Variants in TSPAN9 observed in about 807,000 individuals in gnomAD.
TSPAN9 encodes the protein tetraspanin-9.
Under a neutral mutation model 31.0 loss-of-function variants are expected in TSPAN9, and 16 were observed. That is an observed-to-expected ratio of 0.52 (90% CI 0.35 to 0.78). TSPAN9 has a LOEUF of 0.78. TSPAN9 is among the 30% of genes least tolerant of loss of function. TSPAN9 has a pLI of 0.01. For missense variants in TSPAN9, 272 were observed against 312.5 expected, an observed-to-expected ratio of 0.87 and a Z score of 0.98; for synonymous variants, 145 against 121.6, an observed-to-expected ratio of 1.19 and a Z score of -1.27.
chr12:3,142,594 C>T (rs1010028574), intron 2 of TSPAN9, among the ~76,000 whole-genome samples: 2 of 152,108 alleles, frequency 1.3e-5, no homozygotes, highest in Non-Finnish European at 2.9e-5. Flanking sequence ...CTCAGCAAGC[C>T]GCCTGAGACA....
In TSPAN9 at chr12:3,109,299, T is replaced by TGTGTGTGAGAGAGAGA. The variant is rs1274383200; in HGVS notation, c.-18+25581_-18+25582insTGTGTGAGAGAGAGAG. ...GTGTGTGTGTGTGTGTGTGTGTGTG[T>TGTGTGTGAGAGAGAGA]GAGAGAGAGTGTGTGTGTGTGTGTG... On this transcript the variant is annotated intron_variant, in intron 2 of 8. Coordinates refer to ENST00000011898, the MANE Select transcript of TSPAN9 (RefSeq NM_006675.5). Among the ~76,000 whole-genome samples, 269 of 118,312 alleles carry TGTGTGTGAGAGAGAGA rather than the reference T, an allele frequency of 2.3e-3. 2 individuals carry two copies. The highest frequency in any genetic ancestry group is 0.01 in the African/African-American group (230 of 21,966). The allele number at this position is 118,312 out of a possible 152,430, so 77.6% of individuals were successfully genotyped here. A position where few individuals can be genotyped will look rare whatever the true frequency, so the allele number is the denominator to read the frequency against.
chr12:3,110,895 C>T (rs1204434151), intron 2 of TSPAN9, among the ~76,000 whole-genome samples: 1 of 152,166 alleles, frequency 6.6e-6, no homozygotes, highest in Non-Finnish European at 1.5e-5. Context: ...GTTGATTCTT[C>T]AATTTTTAAC....
At position 3,277,120 on chromosome 12, in the gene TSPAN9, A is replaced by G. The variant is rs937900689; in HGVS notation, c.64-1301A>G. Reference sequence around the variant, plus strand: ...CACCCACTTCACGTAGCTTATTCCAATCTAATTCTCACAGCAGTCCAATAG... The same window carrying G: ...CACCCACTTCACGTAGCTTATTCCAGTCTAATTCTCACAGCAGTCCAATAG... On this transcript the variant is annotated intron_variant, in intron 3 of 8. Transcript: ENST00000011898. Among the ~76,000 whole-genome samples the G allele has an allele frequency of 3.3e-5, 5 of 152,170 alleles. 1 individual carries two copies. The highest frequency in any genetic ancestry group is 3.3e-4 in the Admixed American group (5 of 15,280).
intron 2 of TSPAN9, chr12:3,200,698 C>T (rs978054138): frequency 1.4e-4 from 21 of 152,436 alleles, no homozygotes; most frequent in African/African-American, 4.6e-4. Context: ...AGCCGCGCCG[C>T]GCCGCAGAGC....
intron 3 of TSPAN9, among the ~76,000 whole-genome samples, chr12:3,260,639 G>A (rs1862431423): frequency 2.0e-5 from 3 of 152,234 alleles, no homozygotes; most frequent in Non-Finnish European, 1.5e-5. Context: ...CAAAGAGTTC[G>A]CTGGGGCAAG....
chr12:3,265,993 C>T (rs900053353), intron 3 of TSPAN9, among the ~76,000 whole-genome samples: 4 of 152,118 alleles, frequency 2.6e-5, no homozygotes, highest in East Asian at 1.9e-4. Flanking sequence ...GATACGGGCT[C>T]GGTTAATGCC....
Position 3,286,178 on chromosome 12 carries a change from G to T in TSPAN9, c.*3062G>T. 1 of 152,952 alleles carries T rather than the reference G, an allele frequency of 6.5e-6. No individual in the cohort carries two copies. 9.5% of individuals were successfully genotyped at this position (152,952 alleles called of 1,614,324 possible). A position where few individuals can be genotyped will look rare whatever the true frequency, so the allele number is the denominator to read the frequency against. On this transcript the variant is annotated 3_prime_UTR_variant, in exon 9 of 9. Transcript: ENST00000011898. The surrounding 1 kb of genome is among the most constrained non-coding windows in gnomAD (Gnocchi z 4.1). ...TGCTAACTAGCAGGGACGTGGCATA[G>T]GATGGGAGCTGGGCGTGAGGTGCTT...
intron 2 of TSPAN9, among the ~76,000 whole-genome samples, chr12:3,152,646 C>T (rs1188325263): frequency 3.3e-5 from 5 of 151,666 alleles, no homozygotes; most frequent in Admixed American, 2.0e-4. Context: ...TGTGCAGTGG[C>T]GCGATCTTGG....
chr12:3,220,201 A>G (rs1207564699), intron 3 of TSPAN9, among the ~76,000 whole-genome samples: 5 of 151,738 alleles, frequency 3.3e-5, no homozygotes, highest in Non-Finnish European at 7.4e-5. Context: ...CCTTACTAGT[A>G]GTTACCTGTA....
chr12:3,278,661 A>G (rs2153980797), intron 4 of TSPAN9, 49 bp downstream of exon 4: 1 of 1,586,190 alleles, frequency 6.3e-7, no homozygotes, highest in Non-Finnish European at 8.6e-7. Flanking sequence ...ATCTCCTTGC[A>G]CTTGGACCCC....
At chr12:3,155,932 C>T (rs191816130) in intron 2 of TSPAN9, among the ~76,000 whole-genome samples, 6 of 152,158 alleles carry the variant, frequency 3.9e-5, no homozygotes, top group African/African-American at 1.4e-4. Context: ...GCCGAAAGGA[C>T]TTGAAGACGT....
chr12:3,153,633 TAAC>T (rs1195957299), intron 2 of TSPAN9, among the ~76,000 whole-genome samples: 1 of 152,242 alleles, frequency 6.6e-6, no homozygotes, highest in African/African-American at 2.4e-5. Flanking sequence ...CTCACAATTT[TAAC>T]TTACCTAAAT....
At chr12:3,136,713 T>C (rs2098332310) in intron 2 of TSPAN9, among the ~76,000 whole-genome samples, 2 of 152,094 alleles carry the variant, frequency 1.3e-5, no homozygotes, top group South Asian at 2.1e-4. Context: ...CAGGTGCCCG[T>C]GGGAAGCTGA....
At chr12:3,231,911 G>T (rs1353247187) in intron 3 of TSPAN9, among the ~76,000 whole-genome samples, 2 of 152,210 alleles carry the variant, frequency 1.3e-5, no homozygotes. Flanking sequence ...GCTCTCAGTG[G>T]GGCTGTCTCA....
At chr12:3,236,118 G>A (rs1362461453) in intron 3 of TSPAN9, among the ~76,000 whole-genome samples, 1 of 152,210 alleles carries the variant, frequency 6.6e-6, no homozygotes, top group Non-Finnish European at 1.5e-5. Flanking sequence ...GTGGTGTTTG[G>A]AGAAGAACAG....
intron 2 of TSPAN9, among the ~76,000 whole-genome samples, chr12:3,141,634 C>T (rs192225609): frequency 4.5e-4 from 68 of 152,268 alleles, no homozygotes; most frequent in African/African-American, 1.4e-3. Flanking sequence ...CCTGACTCCT[C>T]GGTGTGCACG....
chr12:3,206,097 G>T (rs929441724), intron 3 of TSPAN9, among the ~76,000 whole-genome samples: 16 of 152,312 alleles, frequency 1.1e-4, no homozygotes, highest in African/African-American at 3.6e-4. Context: ...ACCCTGGCCT[G>T]TGAAGAGCAC....
At chr12:3,262,590 C>T (rs907127617) in intron 3 of TSPAN9, among the ~76,000 whole-genome samples, 5 of 152,002 alleles carry the variant, frequency 3.3e-5, no homozygotes, top group African/African-American at 1.2e-4. Flanking sequence ...CATCTTTCCC[C>T]CTCCAGGTCT....
At chr12:3,228,223 G>A (rs1422710917) in intron 3 of TSPAN9, among the ~76,000 whole-genome samples, 2 of 152,090 alleles carry the variant, frequency 1.3e-5, no homozygotes, top group African/African-American at 2.4e-5. Context: ...GTGGTGGCAT[G>A]CACCTGTGGC....
Sources: allele counts gnomAD v4.1 joint callset (sites outside exome capture counted in the v4.1 genomes callset), GRCh38; gene constraint gnomAD v4.1.1; non-coding constraint Gnocchi (gnomAD v3.1); transcripts MANE v1.5; gene names NCBI Gene and HGNC (gene_info 2026-07-23, HGNC 2026-07-21).